Variants in ASPRV1 observed in about 807,000 individuals in gnomAD.
The protein encoded by ASPRV1 is aspartic peptidase retroviral like 1, also known as retroviral-like aspartic protease 1.
In ASPRV1, 7 loss-of-function variants were observed where a neutral mutation model predicts 11.0. That is an observed-to-expected ratio of 0.64 (90% CI 0.36 to 1.20). The LOEUF (loss-of-function observed/expected upper bound fraction) is 1.20, where lower values mean the gene tolerates loss of function less well. Ranked by LOEUF, ASPRV1 falls within the 50% of genes most tolerant of loss-of-function variation. The pLI, the probability that ASPRV1 is intolerant of heterozygous loss-of-function variation, is 0.02. For synonymous variants in ASPRV1, 136 were observed against 138.4 expected (o/e 0.98, Z 0.12); for missense variants, 299 against 320.0 (o/e 0.93, Z 0.50).
chr2:70,078,979 G>A, the ASPRV1 span, among the ~76,000 whole-genome samples: 1 of 152,202 alleles, frequency 6.6e-6, no homozygotes, highest in Non-Finnish European at 1.5e-5. Flanking sequence ...GAAGTTGACA[G>A]GACCTGCTGG....
At chr2:70,054,606 TAAA>T in the ASPRV1 span, among the ~76,000 whole-genome samples, 1 of 142,682 alleles carries the variant, frequency 7.0e-6, no homozygotes, top group Admixed American at 7.4e-5. Context: ...AAATAAATAA[TAAA>T]ATAATAAGAG....
the ASPRV1 span, among the ~76,000 whole-genome samples, chr2:70,084,210 G>A: frequency 6.6e-6 from 1 of 152,170 alleles, no homozygotes; most frequent in Non-Finnish European, 1.5e-5. Flanking sequence ...AGACCTGACA[G>A]ATAAAATTTT....
chr2:70,039,491 C>G, the ASPRV1 span, among the ~76,000 whole-genome samples: 1 of 152,168 alleles, frequency 6.6e-6, no homozygotes, highest in East Asian at 1.9e-4. Context: ...AAGGATGACT[C>G]CAGCTAGCTG....
chr2:69,943,362 G>GT, the ASPRV1 span, among the ~76,000 whole-genome samples: 1 of 152,212 alleles, frequency 6.6e-6, no homozygotes, highest in Admixed American at 6.5e-5. Context: ...AGTTGTGTGG[G>GT]AAAGCTCCAT....
chr2:69,972,737 A>G, the ASPRV1 span, among the ~76,000 whole-genome samples: 1 of 151,972 alleles, frequency 6.6e-6, no homozygotes, highest in Non-Finnish European at 1.5e-5. Context: ...TCTTGGCCCC[A>G]CACTGACTAC....
At chr2:69,967,863 C>T in the ASPRV1 span, among the ~76,000 whole-genome samples, 1 of 151,228 alleles carries the variant, frequency 6.6e-6, no homozygotes, top group African/African-American at 2.4e-5. Flanking sequence ...GGTGGATCAC[C>T]TGAGGTCAGG....
the ASPRV1 span, among the ~76,000 whole-genome samples, chr2:69,978,826 G>C: frequency 6.6e-6 from 1 of 152,190 alleles, no homozygotes; most frequent in Non-Finnish European, 1.5e-5. Flanking sequence ...GAAACTCCCA[G>C]ACGATGGGTG....
chr2:69,996,910 C>T, the ASPRV1 span: 1 of 305,794 alleles, frequency 3.3e-6, no homozygotes, highest in African/African-American at 2.2e-5. Flanking sequence ...GAAAATGACC[C>T]AAAGTTATTA....
At chr2:70,044,849 C>T in the ASPRV1 span, among the ~76,000 whole-genome samples, 1 of 152,196 alleles carries the variant, frequency 6.6e-6, no homozygotes, top group African/African-American at 2.4e-5. Flanking sequence ...GGATACACCA[C>T]ACCCTCACCT....
chr2:69,990,364 A>G, the ASPRV1 span, among the ~76,000 whole-genome samples: 2 of 151,966 alleles, frequency 1.3e-5, no homozygotes, highest in Non-Finnish European at 2.9e-5. Context: ...TTGTATTTAT[A>G]TTAGAGATAG....
the ASPRV1 span, among the ~76,000 whole-genome samples, chr2:69,943,167 A>C: frequency 1.3e-5 from 2 of 152,166 alleles, no homozygotes; most frequent in African/African-American, 4.8e-5. Flanking sequence ...CCACTGCCCC[A>C]TCATCCCACC....
the ASPRV1 span, among the ~76,000 whole-genome samples, chr2:70,013,692 C>T: frequency 6.6e-6 from 1 of 152,116 alleles, no homozygotes; most frequent in African/African-American, 2.4e-5. Context: ...GAGTTCAAGA[C>T]CAGCCTGGCC....
At chr2:70,079,747 C>T in the ASPRV1 span, among the ~76,000 whole-genome samples, 6 of 152,336 alleles carry the variant, frequency 3.9e-5, no homozygotes, top group Middle Eastern at 6.8e-3. Flanking sequence ...CATACATTTT[C>T]TAAACCTGTT....
the ASPRV1 span, among the ~76,000 whole-genome samples, chr2:69,993,121 C>CA: frequency 6.6e-6 from 1 of 152,196 alleles, no homozygotes; most frequent in Non-Finnish European, 1.5e-5. Flanking sequence ...ATCAGGCTAC[C>CA]AAAGAAACAG....
chr2:70,080,663 T>C, the ASPRV1 span, among the ~76,000 whole-genome samples: 284 of 152,354 alleles, frequency 1.9e-3, no homozygotes, highest in Middle Eastern at 0.01. Context: ...AAGAGAATTA[T>C]TGCTATAAAA....
At chr2:69,974,261 T>C in the ASPRV1 span, among the ~76,000 whole-genome samples, 2 of 151,290 alleles carry the variant, frequency 1.3e-5, no homozygotes, top group African/African-American at 4.9e-5. Context: ...CCCTTGGACC[T>C]GGGAGGCGGA....
chr2:70,055,906 C>T, the ASPRV1 span: 3 of 151,898 alleles, frequency 2.0e-5, no homozygotes, highest in African/African-American at 4.8e-5. Context: ...AGCAAGACTC[C>T]GTCTCTACAA....
At chr2:70,015,077 A>C in the ASPRV1 span, among the ~76,000 whole-genome samples, 1 of 152,192 alleles carries the variant, frequency 6.6e-6, no homozygotes, top group African/African-American at 2.4e-5. Context: ...AACCACAAAG[A>C]ATTATCACCT....
At chr2:69,957,238 A>G (rs1677959703), downstream of ASPRV1, among the ~76,000 whole-genome samples, 1 of 152,134 alleles carries the variant, frequency 6.6e-6, no homozygotes, top group South Asian at 2.1e-4. Context: ...TGAAGTATTT[A>G]GAGATAAAAG....
Sources: gnomAD v4.1 joint callset for allele counts (sites outside exome capture counted in the v4.1 genomes callset) on GRCh38, gnomAD v4.1.1 for gene constraint, MANE v1.5 for transcripts, NCBI Gene and HGNC (gene_info 2026-07-23, HGNC 2026-07-21) for gene names.